NACAD: variants seen among roughly 807,000 people sequenced by gnomAD.
The protein encoded by NACAD is NAC alpha domain containing.
NACAD carries 47 observed loss-of-function variants against 98.9 expected under a neutral mutation model. That is an observed-to-expected ratio of 0.48 (90% confidence interval 0.38 to 0.61). The LOEUF (loss-of-function observed/expected upper bound fraction) is 0.61, where lower values mean the gene tolerates loss of function less well. Among genes scored for constraint, NACAD ranks in the 20% least tolerant of loss-of-function variants. The pLI, the probability that NACAD is intolerant of heterozygous loss-of-function variation, is 0.00. For synonymous variants in NACAD, 696 were observed against 767.2 expected (o/e 0.91, Z 1.53); for missense variants, 1,412 against 1,748.2 (o/e 0.81, Z 3.43).
chr7:45,087,198 C>T (rs1051782609), intron 1 of NACAD, among the ~76,000 whole-genome samples: 4 of 152,194 alleles, frequency 2.6e-5, no homozygotes, highest in Non-Finnish European at 5.9e-5. Flanking sequence ...TGGTTTTCTG[C>T]CTCCTGGACT....
rs1272143642 is a variant in NACAD, at chr7:45,081,596, C to T, written c.4257+5G>A. The T allele has an allele frequency of 3.9e-6, 6 of 1,551,220 alleles. No individual in the cohort carries two copies. Among genetic ancestry groups the T allele is most frequent in the African/African-American group, 1.4e-5 (1 of 73,044 alleles). ...CTGAGGTCCCAGAGGGAGCCACCAG[C>T]CCACCTTTCGGGCCTTCTTCTCACT... On this transcript the variant is annotated splice_donor_5th_base_variant and intron_variant, in intron 4 of 7. Coordinates refer to ENST00000490531, the MANE Select transcript of NACAD (RefSeq NM_001146334.2).
rs1784563400 is a variant in NACAD, at chr7:45,088,944, G to A, written c.-50C>T. The A allele has an allele frequency of 2.3e-6, 3 of 1,277,410 alleles. No individual in the cohort carries two copies. Among genetic ancestry groups the A allele is most frequent in the South Asian group, 2.5e-5 (1 of 40,610 alleles). 79.1% of individuals were successfully genotyped at this position (1,277,410 alleles called of 1,614,324 possible). ...CCTCAGTCCTTCCGACCCTCCGTCA[G>A]TCCGTGCCGCCGCCCCGCCGAGCCT... On this transcript the variant is annotated 5_prime_UTR_variant, in exon 1 of 8. Transcript: ENST00000490531. The surrounding 1 kb of genome is among the most constrained non-coding windows in gnomAD (Gnocchi z 5.7).
At position 45,082,635 on chromosome 7, in the gene NACAD, G is replaced by T. The variant is rs764822630; in HGVS notation, c.3545C>A (p.Pro1182Gln). Residue 1182 changes from proline (P) to glutamine (Q), a missense_variant, in exon 2 of 8, where the codon CCG (proline) becomes CAG (glutamine). Around this residue, in one of 5 missense-constraint regions of NACAD, gnomAD observed 572 missense variants for 639.6 expected, o/e 0.89. Transcript: ENST00000490531. This position sits in a 1 kb window ranked among gnomAD's most constrained non-coding sequence, Gnocchi z 4.5. ...APTSAPTSQQ[P>Q]EPVLGLGSVE... ...ACTGCCCAGACCCAGTACAGGCTCC[G>T]GCTGCTGGGAGGTTGGTGCAGACGT... is the stretch of plus-strand genomic sequence containing the variant. 6.6e-6 allele frequency: 10 copies of T among 1,514,076 alleles called. No individual in the cohort carries two copies. The Admixed American group carries it at 8.5e-5, about 13-fold the overall frequency. 93.8% of individuals were successfully genotyped at this position (1,514,076 alleles called of 1,614,324 possible).
At chr7:45,081,495 CT>C in intron 4 of NACAD, 105 bp downstream of exon 4, 1 of 1,423,714 alleles carries the variant, frequency 7.0e-7, no homozygotes, top group East Asian at 2.5e-5. Flanking sequence ...CAAAGGTCCC[CT>C]GATGGATGGG....
intron 1 of NACAD, among the ~76,000 whole-genome samples, chr7:45,087,931 G>A (rs1226566028): frequency 6.6e-6 from 1 of 152,170 alleles, no homozygotes; most frequent in African/African-American, 2.4e-5. Context: ...CTCATTCAAG[G>A]TCACCAAGCA....
chr7:45,087,184 G>A (rs900510063), intron 1 of NACAD, among the ~76,000 whole-genome samples: 6 of 152,178 alleles, frequency 3.9e-5, no homozygotes, highest in Admixed American at 2.0e-4. Context: ...ACACCAGACC[G>A]CTATGGTTTT....
chr7:45,085,621 G>C lies in NACAD; in HGVS notation c.559C>G (p.Leu187Val). 6.5e-7 allele frequency: 1 copy of C among 1,549,326 alleles called. No individual in the cohort carries two copies. Among genetic ancestry groups the C allele is most frequent in the Non-Finnish European group, 8.7e-7 (1 of 1,146,280 alleles). ...PSTPTKTTYA[L>V]LPACGPHGDA... ...CCGTGGGGCCCACAGGCAGGAAGCA[G>C]GGCATAGGTGGTCTTGGTGGGGGTG... Residue 187 changes from leucine (L) to valine (V), a missense_variant, in exon 2 of 8, where the codon CTG becomes GTG. Transcript: ENST00000490531. This position sits in a 1 kb window ranked among gnomAD's most constrained non-coding sequence, Gnocchi z 6.1.
In NACAD at chr7:45,082,046, C is replaced by T. The variant is rs1784438711; in HGVS notation, c.4072+62G>A. On this transcript the variant is annotated intron_variant, in intron 2 of 7. Transcript: ENST00000490531. This position sits in a 1 kb window ranked among gnomAD's most constrained non-coding sequence, Gnocchi z 4.5. ...TCAGAGGCCCTCCAGCTCAGGACAGCTCTAAGGAGGAGTCCAGTTGACCCA... is the reference window on the plus strand; with the variant it reads ...TCAGAGGCCCTCCAGCTCAGGACAGTTCTAAGGAGGAGTCCAGTTGACCCA... The T allele has an allele frequency of 6.8e-7, 1 of 1,463,352 alleles. No homozygotes were observed. The allele number at this position is 1,463,352 out of a possible 1,614,324, so 90.6% of individuals were successfully genotyped here.
Position 45,088,041 on chromosome 7 carries a change from A to G in NACAD, c.67+787T>C, listed in dbSNP as rs1273728355. Among the ~76,000 whole-genome samples the G allele has an allele frequency of 6.6e-6, 1 of 152,040 alleles. No homozygotes were observed. Among genetic ancestry groups the G allele is most frequent in the African/African-American group, 2.4e-5 (1 of 41,402 alleles). ...AGAGGCAGCAGCCTGTGTCACCCCA[A>G]ACCAGGCCCCAGGCCCCAGCAGTGG... On this transcript the variant is annotated intron_variant, in intron 1 of 7. Coordinates refer to ENST00000490531, the MANE Select transcript of NACAD (RefSeq NM_001146334.2). The surrounding 1 kb of genome is among the most constrained non-coding windows in gnomAD (Gnocchi z 5.7).
At chr7:45,080,563 A>G (rs1286759127) in intron 7 of NACAD, 40 bp from the exon 8 acceptor site, 1 of 1,551,308 alleles carries the variant, frequency 6.4e-7, no homozygotes, top group Non-Finnish European at 8.7e-7. Flanking sequence ...AGCACCCCGC[A>G]GTGGAGCCAA....
chr7:45,084,771 T>C lies in NACAD; in HGVS notation c.1409A>G (p.Glu470Gly), dbSNP rs1287075782. The C allele has an allele frequency of 3.2e-6, 5 of 1,551,014 alleles. No homozygotes were observed. ...QRQELISEVT[E>G]EGLALGQEST... The stretch of plus-strand genomic sequence containing the variant: ...CTCCTGGCCTAAAGCAAGGCCCTCT[T>C]CTGTTACTTCTGAGATCAATTCCTG... Residue 470 changes from glutamate to glycine, a missense_variant, in exon 2 of 8, where the codon GAA becomes GGA. Coordinates refer to ENST00000490531, the MANE Select transcript of NACAD (RefSeq NM_001146334.2).
rs1379612686 is a variant in NACAD at position 45,081,827 on chromosome 7, G to C, written c.4113C>G (p.Ser1371Arg). Reference protein sequence around the residue: ...RALGSGQHSDSHGESSAELDE... With the variant: ...RALGSGQHSDRHGESSAELDE... ...CCAGCTCGGCTGATGACTCCCCGTG[G>C]CTATCCGAATGCTGGCCCGAGCCCA... Residue 1371 changes from serine (S) to arginine (R), a missense_variant, in exon 3 of 8, where the codon AGC becomes AGG. Physicochemically the swap from Ser to Arg is moderately radical, Grantham distance 110. This residue lies in a region of NACAD where 572 missense variants were observed against 639.6 expected (regional missense o/e 0.89). Coordinates refer to ENST00000490531, the MANE Select transcript of NACAD (RefSeq NM_001146334.2). The C allele has an allele frequency of 6.5e-7, 1 of 1,549,220 alleles. No individual in the cohort carries two copies. Among genetic ancestry groups the C allele is most frequent in the Non-Finnish European group, 8.7e-7 (1 of 1,146,972 alleles).
In NACAD at chr7:45,084,631, G is replaced by T; in HGVS notation, c.1549C>A (p.Gln517Lys). The T allele has an allele frequency of 6.4e-7, 1 of 1,551,594 alleles. No individual in the cohort carries two copies. Among genetic ancestry groups the T allele is most frequent in the Non-Finnish European group, 8.7e-7 (1 of 1,146,970 alleles). The change falls in exon 2 of 8, where the codon CAA (glutamine) becomes AAA (lysine). Residue 517 changes from glutamine to lysine, a missense_variant. Transcript: ENST00000490531. ...GGCATTGCCATGGCAGCAGATTCTT[G>T]TCCAGCGGTGGAGTCTGTTTCTTCC... ...GEEETDSTAG[Q>K]ESAAMAMPQP...
Position 45,088,600 on chromosome 7 carries a change from C to A in NACAD, c.67+228G>T, listed in dbSNP as rs1392911955. Among the ~76,000 whole-genome samples the A allele has an allele frequency of 6.6e-6, 1 of 152,228 alleles. No individual in the cohort carries two copies. Among genetic ancestry groups the A allele is most frequent in the Non-Finnish European group, 1.5e-5 (1 of 68,030 alleles). The stretch of plus-strand genomic sequence containing the variant: ...CGGAAGCCAAGGGCTTAAGCCCCCA[C>A]GTTCTTTCTGGCTCGCGGCGGGCAC... On this transcript the variant is annotated intron_variant, in intron 1 of 7. Coordinates refer to ENST00000490531, the MANE Select transcript of NACAD (RefSeq NM_001146334.2). This position sits in a 1 kb window ranked among gnomAD's most constrained non-coding sequence, Gnocchi z 5.7.
chr7:45,081,451 TTAGGGGAAGGTG>T, intron 4 of NACAD, 138 bp downstream of exon 4: 1 of 1,246,608 alleles, frequency 8.0e-7, no homozygotes, highest in Non-Finnish European at 1.1e-6. Flanking sequence ...CCTCAGCTGT[TTAGGGGAAGGTG>T]TGTGGGTTAC....
chr7:45,087,727 G>T (rs546274867), intron 1 of NACAD, among the ~76,000 whole-genome samples: 18 of 152,180 alleles, frequency 1.2e-4, no homozygotes, highest in Non-Finnish European at 2.1e-4. Flanking sequence ...ACATCCAGGG[G>T]GTCCTGAGAC....
chr7:45,085,987 G>A lies in NACAD; in HGVS notation c.193C>T (p.Pro65Ser), dbSNP rs915088204. The change falls in exon 2 of 8, where the codon CCC (proline) becomes TCC (serine). Residue 65 changes from proline (P) to serine (S), a missense_variant. This residue lies in a region of NACAD where 638 missense variants were observed against 722.7 expected (regional missense o/e 0.88). Coordinates refer to ENST00000490531, the MANE Select transcript of NACAD (RefSeq NM_001146334.2). The surrounding 1 kb of genome is among the most constrained non-coding windows in gnomAD (Gnocchi z 6.1). ...TFLPSKPGAR[P>S]QPEGASWDAG... ...TCCCAGCTGGCTCCCTCGGGCTGGG[G>A]CCGGGCACCCGGCTTGCTGGGCAGG... 1 of 1,537,862 alleles carries A rather than the reference G, an allele frequency of 6.5e-7. No individual in the cohort carries two copies. Among genetic ancestry groups the A allele is most frequent in the Non-Finnish European group, 8.7e-7 (1 of 1,143,164 alleles).
At chr7:45,087,913 T>G (rs2128641851) in intron 1 of NACAD, among the ~76,000 whole-genome samples, 1 of 152,194 alleles carries the variant, frequency 6.6e-6, no homozygotes, top group South Asian at 2.1e-4. Context: ...GGCCAAAGGT[T>G]TTTATAACTC....
chr7:45,087,999 T>C (rs568993747), intron 1 of NACAD, among the ~76,000 whole-genome samples: 1 of 152,196 alleles, frequency 6.6e-6, no homozygotes, highest in Non-Finnish European at 1.5e-5. Context: ...CTGCACTCCC[T>C]GCCTCCCACC....
Sources: gnomAD v4.1 joint callset for allele counts (sites outside exome capture counted in the v4.1 genomes callset) on GRCh38, gnomAD v4.1.1 for gene constraint, gnomAD v4.1.1 regional missense constraint, Gnocchi (gnomAD v3.1) non-coding constraint, MANE v1.5 for transcripts, NCBI Gene and HGNC (gene_info 2026-07-23, HGNC 2026-07-21) for gene names.